The following L3MBTL1 variants were observed in gnomAD, a reference collection of about 807,000 sequenced individuals.
The protein encoded by L3MBTL1 is L3MBTL histone methyl-lysine binding protein 1.
L3MBTL1 carries 75 observed loss-of-function variants against 105.3 expected under a neutral mutation model. The ratio of observed to expected loss-of-function variants is 0.71; its 90% confidence interval spans 0.59 to 0.86. The LOEUF is 0.86. L3MBTL1 is among the 40% of genes least tolerant of loss of function. L3MBTL1 has a pLI of 0.00. For synonymous variants in L3MBTL1, 452 were observed against 436.2 expected, an observed-to-expected ratio of 1.04 and a Z score of -0.45; for missense variants, 1,069 against 1,126.4, an observed-to-expected ratio of 0.95 and a Z score of 0.73.
intron 18 of L3MBTL1, chr20:43,547,980 C>G: frequency 2.4e-6 from 1 of 414,992 alleles, no homozygotes; most frequent in African/African-American, 2.1e-5. Context: ...TCCTCCTTCC[C>G]TTTCTCCCGC....
chr20:43,508,186 TTCTC>T lies in L3MBTL1; in HGVS notation c.-29+448_-29+451del, dbSNP rs1309768202. 2.4e-3 allele frequency among the ~76,000 whole-genome samples: 361 copies of T among 151,514 alleles called. 1 individual carries two copies. The highest frequency in any genetic ancestry group is 7.8e-3 in the African/African-American group (320 of 41,120). Reference sequence around the variant, plus strand: ...TAATGGAATATGGAATTTTTTTTGTTTCTCTCTCTTTTTTTTTTTTTGGCCATAA... The same window carrying T: ...TAATGGAATATGGAATTTTTTTTGTTTCTCTTTTTTTTTTTTTGGCCATAA... On this transcript the variant is annotated intron_variant, in intron 1 of 21. Transcript: ENST00000418998.
At chr20:43,517,180 C>A (rs889822093) in intron 7 of L3MBTL1, among the ~76,000 whole-genome samples, 2 of 151,794 alleles carry the variant, frequency 1.3e-5, no homozygotes, top group African/African-American at 4.8e-5. Flanking sequence ...CTCATTGCAA[C>A]CTCCACCTCT....
At chr20:43,546,217 T>C (rs1053508739), downstream of L3MBTL1, among the ~76,000 whole-genome samples, 49 of 152,218 alleles carry the variant, frequency 3.2e-4, 1 homozygote, top group Non-Finnish European at 1.0e-4. Flanking sequence ...CACCCAGTTA[T>C]TGGGGAAGGG....
Position 43,541,281 on chromosome 20 carries a change from T to C in L3MBTL1, c.*153T>C. Reference sequence around the variant, plus strand: ...TTGTAGATAAAAAAAGAATGTCAGCTTTGGAGACAGTCTGGGTTTAAATCC... The same window carrying C: ...TTGTAGATAAAAAAAGAATGTCAGCCTTGGAGACAGTCTGGGTTTAAATCC... On this transcript the variant is annotated 3_prime_UTR_variant, in exon 22 of 22. Transcript: ENST00000418998. The C allele has an allele frequency of 7.2e-7, 1 of 1,384,596 alleles. No individual in the cohort carries two copies. The highest frequency in any genetic ancestry group is 9.5e-7 in the Non-Finnish European group (1 of 1,051,212). The allele number at this position is 1,384,596 out of a possible 1,614,324, so 85.8% of individuals were successfully genotyped here.
At chr20:43,530,504 C>G (rs1386522542) in intron 10 of L3MBTL1, 85 bp downstream of exon 10, 11 of 1,450,274 alleles carry the variant, frequency 7.6e-6, no homozygotes, top group African/African-American at 4.3e-5. Flanking sequence ...GCTTCCAGCT[C>G]TTTTGTTTTC....
At position 43,534,408 on chromosome 20, in the gene L3MBTL1, C is replaced by T; in HGVS notation, c.1710+14C>T. The T allele has an allele frequency of 1.2e-6, 2 of 1,610,086 alleles. No individual in the cohort carries two copies. Among genetic ancestry groups the T allele is most frequent in the Middle Eastern group, 1.7e-4 (1 of 6,054 alleles). On this transcript the variant is annotated intron_variant, in intron 15 of 21. Coordinates refer to ENST00000418998, the MANE Select transcript of L3MBTL1 (RefSeq NM_001377303.1). ...CATCGGATAAAGGTGGCTCTGGGACCCTAGGGCTGGGAAGTGGACAGGCCA... is the reference window on the plus strand; with the variant it reads ...CATCGGATAAAGGTGGCTCTGGGACTCTAGGGCTGGGAAGTGGACAGGCCA...
intron 7 of L3MBTL1, among the ~76,000 whole-genome samples, chr20:43,526,796 T>G (rs1306327483): frequency 2.6e-5 from 4 of 152,036 alleles, no homozygotes; most frequent in Non-Finnish European, 5.9e-5. Context: ...ACTAAAGATT[T>G]AAAAAATAGC....
At chr20:43,518,861 A>T (rs1441524966) in intron 7 of L3MBTL1, among the ~76,000 whole-genome samples, 2 of 122,042 alleles carry the variant, frequency 1.6e-5, no homozygotes, top group Non-Finnish European at 3.9e-5. Context: ...CAAAAAAAAA[A>T]AAAAAAAAAA....
At chr20:43,515,990 A>G in intron 6 of L3MBTL1, 103 bp from the exon 7 acceptor site, 1 of 841,812 alleles carries the variant, frequency 1.2e-6, no homozygotes, top group Non-Finnish European at 2.0e-6. Context: ...TTTGGGGCAG[A>G]ACACCACATG....
chr20:43,515,927 G>T (rs1001431816), intron 6 of L3MBTL1, 166 bp from the exon 7 acceptor site: 13 of 580,748 alleles, frequency 2.2e-5, no homozygotes, highest in Non-Finnish European at 3.3e-5. Context: ...AGTGATAGGG[G>T]GATGTCTGCT....
At position 43,533,325 on chromosome 20, in the gene L3MBTL1, A is replaced by G. The variant is rs1350443476; in HGVS notation, c.1437-17A>G. On this transcript the variant is annotated splice_polypyrimidine_tract_variant and intron_variant, in intron 12 of 21. Coordinates refer to ENST00000418998, the MANE Select transcript of L3MBTL1 (RefSeq NM_001377303.1). ...CTCAAGTTTCTCTTGGGACAGTGAC[A>G]TGTTCTTGGATTTCAGGTGTGATCC... 6.2e-7 allele frequency: 1 copy of G among 1,611,752 alleles called. No individual in the cohort carries two copies. The highest frequency in any genetic ancestry group is 8.5e-7 in the Non-Finnish European group (1 of 1,178,960).
rs768680392 is a variant in L3MBTL1, at chr20:43,540,281, G to T, written c.2304G>T (p.Ser768=). 1 of 1,613,760 alleles carries T rather than the reference G, an allele frequency of 6.2e-7. No individual in the cohort carries two copies. Residue 768 remains serine, a synonymous_variant, in exon 20 of 22, where the codon TCG becomes TCT. Transcript: ENST00000418998. ...LLPGVAGISA[S]TVAKWTIDEV... ...CAGGAGTAGCGGGCATCTCAGCCTC[G>T]ACAGTCGCCAAGTGGACCATCGATG...
At chr20:43,530,022 C>A (rs1336580874) in intron 9 of L3MBTL1, among the ~76,000 whole-genome samples, 1 of 152,214 alleles carries the variant, frequency 6.6e-6, no homozygotes, top group African/African-American at 2.4e-5. Context: ...CCTCAGAATT[C>A]TGTCCAGGGC....
chr20:43,543,131 G>A (rs1490187312), downstream of L3MBTL1, among the ~76,000 whole-genome samples: 2 of 149,964 alleles, frequency 1.3e-5, no homozygotes, highest in Admixed American at 1.3e-4. Context: ...ATAACCTCAT[G>A]TAAAACTTTA....
intron 7 of L3MBTL1, among the ~76,000 whole-genome samples, chr20:43,524,176 G>A (rs1214313570): frequency 6.6e-6 from 1 of 151,936 alleles, no homozygotes; most frequent in Non-Finnish European, 1.5e-5. Context: ...TTTTCTTTGG[G>A]TTAATTTTAC....
intron 18 of L3MBTL1, among the ~76,000 whole-genome samples, chr20:43,547,209 A>G (rs545520370): frequency 6.9e-6 from 1 of 144,292 alleles, no homozygotes; most frequent in Non-Finnish European, 1.5e-5. Flanking sequence ...GGTTCACGCC[A>G]TTCTCCTGCC....
At chr20:43,534,998 C>A in intron 16 of L3MBTL1, 56 bp downstream of exon 16, 1 of 1,269,968 alleles carries the variant, frequency 7.9e-7, no homozygotes, top group Non-Finnish European at 1.1e-6. Flanking sequence ...TCTGACAATC[C>A]TATAGTTTGC....
chr20:43,537,691 T>C (rs2019702064), intron 19 of L3MBTL1, among the ~76,000 whole-genome samples: 2 of 152,182 alleles, frequency 1.3e-5, no homozygotes, highest in African/African-American at 4.8e-5. Context: ...CAGGGCCTGA[T>C]GCACAGCAGG....
intron 7 of L3MBTL1, among the ~76,000 whole-genome samples, chr20:43,525,850 C>T (rs532721361): frequency 6.6e-6 from 1 of 152,230 alleles, no homozygotes; most frequent in South Asian, 2.1e-4. Context: ...CTCTGTACCC[C>T]CAATTTCTAG....
Sources: gnomAD v4.1 joint callset for allele counts (sites outside exome capture counted in the v4.1 genomes callset) on GRCh38, gnomAD v4.1.1 for gene constraint, MANE v1.5 for transcripts, NCBI Gene and HGNC (gene_info 2026-07-23, HGNC 2026-07-21) for gene names.